The following DIS3 variants were observed in gnomAD, a reference collection of about 807,000 sequenced individuals.
The protein encoded by DIS3 is DIS3 exosome endoribonuclease and 3'-5' exoribonuclease.
Under a neutral mutation model 113.0 loss-of-function variants are expected in DIS3, and 103 were observed. The observed-to-expected ratio is 0.91, with a 90% CI of 0.78 to 1.07. DIS3 has a LOEUF of 1.07. DIS3 is among the 50% of genes least tolerant of loss of function. DIS3 has a pLI of 0.00. For synonymous variants in DIS3, 402 were observed against 394.3 expected (o/e 1.02, Z -0.23); for missense variants, 1,121 against 1,167.1 (o/e 0.96, Z 0.58).
chr13:72,755,900 C>T lies in DIS3; in HGVS notation c.*3895G>A, dbSNP rs2033452053. On this transcript the variant is annotated 3_prime_UTR_variant, in exon 21 of 21. Coordinates refer to ENST00000377767, the MANE Select transcript of DIS3 (RefSeq NM_014953.5). ...ATATACCTCATGCCTAGGGTAGGGA[C>T]ATCCTTTCCAGCTCAAACGTGGGTA... is the stretch of plus-strand genomic sequence containing the variant. 2.5e-6 allele frequency: 1 copy of T among 398,538 alleles called. No individual in the cohort carries two copies. Among genetic ancestry groups the T allele is most frequent in the East Asian group, 3.6e-5 (1 of 28,062 alleles). The allele number at this position is 398,538 out of a possible 1,614,324, so 24.7% of individuals were successfully genotyped here.
At chr13:72,777,659 A>G (rs1172032275) in intron 3 of DIS3, among the ~76,000 whole-genome samples, 166 bp from the exon 4 acceptor site, 1 of 151,918 alleles carries the variant, frequency 6.6e-6, no homozygotes, top group Non-Finnish European at 1.5e-5. Context: ...GCAATTACAC[A>G]TCACTACAGC....
rs1316379758 is a variant in DIS3, at chr13:72,756,243, T to G, written c.*3552A>C. ...CCATAACTGTACCTTGAAACCTTAC[T>G]GCTGACCTGCAGAAAATGTGCCGCG... is the stretch of plus-strand genomic sequence containing the variant. On this transcript the variant is annotated 3_prime_UTR_variant, in exon 21 of 21. Transcript: ENST00000377767. 8.1e-6 allele frequency: 2 copies of G among 247,320 alleles called. No homozygotes were observed. The highest frequency in any genetic ancestry group is 1.5e-5 in the Non-Finnish European group (2 of 131,372). The allele number at this position is 247,320 out of a possible 1,614,324, so 15.3% of individuals were successfully genotyped here.
At position 72,758,918 on chromosome 13, in the gene DIS3, G is replaced by GTA. The variant is rs1181864823; in HGVS notation, c.*876_*877insTA. 1 of 181,238 alleles carries GTA rather than the reference G, an allele frequency of 5.5e-6. No homozygotes were observed. Among genetic ancestry groups the GTA allele is most frequent in the Non-Finnish European group, 1.2e-5 (1 of 84,960 alleles). The allele number at this position is 181,238 out of a possible 1,614,324, so 11.2% of individuals were successfully genotyped here. ...TAATTTAATCATTACTAATCTCTGT[G>GTA]ATTAGCAAGGGAAGTAGTCAGTCTG... On this transcript the variant is annotated 3_prime_UTR_variant, in exon 21 of 21. Transcript: ENST00000377767.
In DIS3 at chr13:72,757,155, A is replaced by C. The variant is rs2033498567; in HGVS notation, c.*2640T>G. 1 of 152,222 alleles carries C rather than the reference A, an allele frequency of 6.6e-6. No individual in the cohort carries two copies. The highest frequency in any genetic ancestry group is 6.5e-5 in the Admixed American group (1 of 15,276). 9.4% of individuals were successfully genotyped at this position (152,222 alleles called of 1,614,324 possible). A position where few individuals can be genotyped will look rare whatever the true frequency, so the allele number is the denominator to read the frequency against. On this transcript the variant is annotated 3_prime_UTR_variant, in exon 21 of 21. Transcript: ENST00000377767. ...TTTCTAGTAGCTGAAGCACAAGAAA[A>C]TAAACTTGGAAAGAAAAAACCTAAG...
intron 1 of DIS3, 45 bp downstream of exon 1, chr13:72,781,560 T>G: frequency 6.8e-7 from 1 of 1,477,586 alleles, no homozygotes; most frequent in Non-Finnish European, 9.0e-7. Flanking sequence ...CATACCCCCT[T>G]GTCCCCGTGG....
intron 16 of DIS3, among the ~76,000 whole-genome samples, 199 bp downstream of exon 16, chr13:72,763,252 C>T (rs1350122308): frequency 2.0e-5 from 3 of 151,874 alleles, no homozygotes; most frequent in African/African-American, 7.3e-5. Context: ...GTGCAGTGAG[C>T]CGAGATCGTG....
rs781585927 is a variant in DIS3, at chr13:72,773,692, A to G, written c.1231T>C (p.Tyr411His). 3 of 1,609,410 alleles carry G rather than the reference A, an allele frequency of 1.9e-6. No homozygotes were observed. The highest frequency in any genetic ancestry group is 1.1e-5 in the South Asian group (1 of 89,190). Residue 411 changes from tyrosine to histidine, a missense_variant, in exon 8 of 21, where the codon TAT becomes CAT. This residue lies in a region of DIS3 where 861 missense variants were observed against 915.5 expected (regional missense o/e 0.94). Transcript: ENST00000377767. ...AIDGWPRNSR[Y>H]PNGHFVRNLG... ...TAATACTTTAAGCTTACATTTGGAT[A>G]TCTGGAATTTCTGGGCCAACCATCA...
chr13:72,761,609 T>C lies in DIS3; in HGVS notation c.2511+37A>G, dbSNP rs189170481. 1.2e-4 allele frequency: 189 copies of C among 1,544,762 alleles called. 2 individuals are homozygous for C. In the Admixed American group the frequency reaches 4.2e-3, roughly 34 times the overall value. On this transcript the variant is annotated intron_variant, in intron 18 of 20. Coordinates refer to ENST00000377767, the MANE Select transcript of DIS3 (RefSeq NM_014953.5). ...AAATTAAATTAAAAATGAACAAAAC[T>C]TCATTTTTTCTAGCAGTATCGACAA...
At chr13:72,765,936 A>G in intron 15 of DIS3, 36 bp downstream of exon 15, 5 of 1,472,256 alleles carry the variant, frequency 3.4e-6, no homozygotes, top group Non-Finnish European at 4.6e-6. Context: ...TAAAATAAAA[A>G]AATCTTATCT....
chr13:72,759,815 TC>T lies in DIS3; in HGVS notation c.2856del (p.Lys953ArgfsTer2). The T allele has an allele frequency of 6.2e-7, 1 of 1,612,976 alleles. No individual in the cohort carries two copies. The highest frequency in any genetic ancestry group is 8.5e-7 in the Non-Finnish European group (1 of 1,179,482). On this transcript the variant is annotated frameshift_variant, in exon 21 of 21. Transcript: ENST00000377767. LOFTEE classifies it high-confidence loss of function. ...TATAGCTATTTTCCAAGCTTCATCT[TC>T]TTTTTCTTTGGTCCATTAAGGTCCA... ...SNMDLNGPKK[K>X]KMKLGK
intron 9 of DIS3, 108 bp downstream of exon 9, chr13:72,772,584 GA>G: frequency 8.3e-7 from 1 of 1,203,754 alleles, no homozygotes; most frequent in Non-Finnish European, 1.1e-6. Context: ...CAAAATGCAG[GA>G]AAAGAGGGCC....
At chr13:72,769,354 T>C (rs778576340) in intron 13 of DIS3, among the ~76,000 whole-genome samples, 7 of 152,076 alleles carry the variant, frequency 4.6e-5, no homozygotes, top group Non-Finnish European at 8.8e-5. Context: ...GGAAATCCAG[T>C]AAATACCCAA....
At position 72,755,024 on chromosome 13, in the gene DIS3, A is replaced by G; in HGVS notation, c.*4771T>C. Reference sequence around the variant, plus strand: ...AGAATATTGATTTATAAAATACTGTATCTTTACTGTCCCTTCAGAGTTCAG... The same window carrying G: ...AGAATATTGATTTATAAAATACTGTGTCTTTACTGTCCCTTCAGAGTTCAG... On this transcript the variant is annotated 3_prime_UTR_variant, in exon 21 of 21. Transcript: ENST00000377767. 5 of 700,034 alleles carry G rather than the reference A, an allele frequency of 7.1e-6. No homozygotes were observed. Among genetic ancestry groups the G allele is most frequent in the Non-Finnish European group, 1.2e-5 (5 of 407,982 alleles). 43.4% of individuals were successfully genotyped at this position (700,034 alleles called of 1,614,324 possible). A position where few individuals can be genotyped will look rare whatever the true frequency, so the allele number is the denominator to read the frequency against.
intron 16 of DIS3, among the ~76,000 whole-genome samples, chr13:72,762,450 T>C (rs1186779561): frequency 6.6e-6 from 1 of 152,196 alleles, no homozygotes; most frequent in Non-Finnish European, 1.5e-5. Context: ...GATTAAGGCT[T>C]GGAGCAGAGG....
rs1297931780 is a variant in DIS3, at chr13:72,772,730, CTA to C, written c.1347_1348del (p.Ser450PhefsTer11). On this transcript the variant is annotated frameshift_variant, in exon 9 of 21. Coordinates refer to ENST00000377767, the MANE Select transcript of DIS3 (RefSeq NM_014953.5). LOFTEE classifies it high-confidence loss of function. ...GCTCCAGGGCATCTTTGGCAGAAAA[CTA>C]AGAACAGCCTGTGAAAAAGGCTGAT... The C allele has an allele frequency of 6.2e-7, 1 of 1,612,734 alleles. No homozygotes were observed.
intron 5 of DIS3, among the ~76,000 whole-genome samples, 188 bp downstream of exon 5, chr13:72,775,737 T>C (rs2033998577): frequency 6.6e-6 from 1 of 151,510 alleles, no homozygotes; most frequent in African/African-American, 2.4e-5. Flanking sequence ...TGAAATGCCA[T>C]GCGCAAAGAT....
intron 19 of DIS3, 59 bp downstream of exon 19, chr13:72,761,304 T>C: frequency 6.4e-7 from 1 of 1,555,444 alleles, no homozygotes; most frequent in Non-Finnish European, 8.6e-7. Flanking sequence ...GTACCATTTA[T>C]GAACTCTCAA....
Position 72,759,601 on chromosome 13 carries a change from T to A in DIS3, c.*194A>T, listed in dbSNP as rs2033575898. 3.9e-6 allele frequency: 2 copies of A among 515,324 alleles called. No homozygotes were observed. The allele number at this position is 515,324 out of a possible 1,614,324, so 31.9% of individuals were successfully genotyped here. ...AATTGAATTATTCTGCATAAATAAT[T>A]CTGTTCAACCCAGAAGTATAGTAGT... On this transcript the variant is annotated 3_prime_UTR_variant, in exon 21 of 21. Transcript: ENST00000377767.
intron 6 of DIS3, among the ~76,000 whole-genome samples, chr13:72,774,911 T>C (rs565808047): frequency 6.6e-6 from 1 of 152,266 alleles, no homozygotes; most frequent in East Asian, 1.9e-4. Context: ...GTTAAACACA[T>C]ATTTACTTAA....
Sources: allele counts gnomAD v4.1 joint callset (sites outside exome capture counted in the v4.1 genomes callset), GRCh38; gene constraint gnomAD v4.1.1; regional missense constraint gnomAD v4.1.1; transcripts MANE v1.5; gene names NCBI Gene and HGNC (gene_info 2026-07-23, HGNC 2026-07-21).